NME7: variants seen among roughly 807,000 people sequenced by gnomAD.
NME7 encodes nucleoside diphosphate kinase 7.
In NME7, 41 loss-of-function variants were observed where a neutral mutation model predicts 49.1. The observed-to-expected ratio is 0.83, with a 90% CI of 0.65 to 1.08. The LOEUF (loss-of-function observed/expected upper bound fraction) is 1.08. NME7 is among the 50% of genes least tolerant of loss of function. The pLI, the probability that NME7 is intolerant of heterozygous loss-of-function variation, is 0.00. For missense variants in NME7, 423 were observed against 463.4 expected (o/e 0.91, Z 0.80); for synonymous variants, 139 against 150.6 (o/e 0.92, Z 0.56).
intron 7 of NME7, among the ~76,000 whole-genome samples, chr1:169,283,183 C>T (rs1231403903): frequency 6.6e-6 from 1 of 152,068 alleles, no homozygotes; most frequent in Non-Finnish European, 1.5e-5. Context: ...TGCATTGTTC[C>T]CTTTACCATT....
intron 7 of NME7, among the ~76,000 whole-genome samples, chr1:169,247,828 T>C (rs1171583184): frequency 1.3e-5 from 2 of 152,186 alleles, no homozygotes; most frequent in Non-Finnish European, 2.9e-5. Flanking sequence ...ATTATTTTTA[T>C]GGCTGAGTAG....
At chr1:169,314,312 C>A (rs1187061321) in intron 3 of NME7, among the ~76,000 whole-genome samples, 1 of 150,696 alleles carries the variant, frequency 6.6e-6, no homozygotes, top group Non-Finnish European at 1.5e-5. Flanking sequence ...GCAAAAATCC[C>A]AACAAAAATT....
At chr1:169,355,861 G>A (rs1478065403) in intron 1 of NME7, among the ~76,000 whole-genome samples, 1 of 152,048 alleles carries the variant, frequency 6.6e-6, no homozygotes, top group Admixed American at 6.6e-5. Context: ...CCATAAGGGT[G>A]GGACTTTGTC....
Position 169,325,604 on chromosome 1 carries a change from G to A in NME7, c.4-1104C>T, listed in dbSNP as rs922880928. ...TATAATAAGCAAATAAAAGCATAGG[G>A]AAGAAGGGAATCTAGGAGTTTTATT... On this transcript the variant is annotated intron_variant, in intron 1 of 11. Coordinates refer to ENST00000367811, the MANE Select transcript of NME7 (RefSeq NM_013330.5). Among the ~76,000 whole-genome samples the A allele has an allele frequency of 2.0e-5, 3 of 152,136 alleles. No homozygotes were observed. In the South Asian group the frequency reaches 6.2e-4, roughly 32 times the overall value.
At chr1:169,363,772 G>T (rs921052210) in intron 1 of NME7, among the ~76,000 whole-genome samples, 1 of 152,116 alleles carries the variant, frequency 6.6e-6, no homozygotes, top group African/African-American at 2.4e-5. Context: ...ATTATATTAT[G>T]CAGGTCTCAA....
chr1:169,298,495 C>G, intron 6 of NME7, 61 bp downstream of exon 6: 1 of 1,517,266 alleles, frequency 6.6e-7, no homozygotes, highest in East Asian at 2.3e-5. Flanking sequence ...AAATGCTTTC[C>G]TTTGATATAA....
intron 7 of NME7, among the ~76,000 whole-genome samples, chr1:169,258,439 TATC>T (rs1313357383): frequency 0.015 from 1,826 of 119,904 alleles, 135 homozygotes; most frequent in African/African-American, 0.05. Flanking sequence ...CACACACATA[TATC>T]TTCTCATTCT....
chr1:169,331,504 AT>A (rs1036565352), intron 1 of NME7, among the ~76,000 whole-genome samples: 2 of 152,186 alleles, frequency 1.3e-5, no homozygotes, highest in African/African-American at 2.4e-5. Context: ...TATAAAGGGC[AT>A]CCAAATTGAA....
intron 9 of NME7, among the ~76,000 whole-genome samples, chr1:169,232,705 C>CA (rs1647368195): frequency 1.3e-5 from 2 of 150,966 alleles, no homozygotes; most frequent in South Asian, 4.2e-4. Flanking sequence ...CGTTTTAAGA[C>CA]AAAAAAGACC....
intron 10 of NME7, among the ~76,000 whole-genome samples, chr1:169,204,732 ACTTAT>A (rs1467318840): frequency 6.6e-6 from 1 of 152,036 alleles, no homozygotes; most frequent in African/African-American, 2.4e-5. Flanking sequence ...TTGTCTGTAA[ACTTAT>A]CTTTTCTTAC....
rs954855523 is a variant in NME7, at chr1:169,261,798, T to C, written c.755-24111A>G. Among the ~76,000 whole-genome samples the C allele has an allele frequency of 3.0e-5, 4 of 133,546 alleles. 1 individual carries two copies. Among genetic ancestry groups the C allele is most frequent in the Non-Finnish European group, 5.3e-5 (3 of 56,828 alleles). 87.6% of individuals were successfully genotyped at this position (133,546 alleles called of 152,430 possible). ...GCATATTCTTGGGCTCTACTCCAGATATACTGAAAAAAGATTCTAAAATTA... is the reference window on the plus strand; with the variant it reads ...GCATATTCTTGGGCTCTACTCCAGACATACTGAAAAAAGATTCTAAAATTA... On this transcript the variant is annotated intron_variant, in intron 7 of 11. Coordinates refer to ENST00000367811, the MANE Select transcript of NME7 (RefSeq NM_013330.5).
chr1:169,211,602 A>C (rs1660821503), intron 10 of NME7, among the ~76,000 whole-genome samples: 1 of 152,168 alleles, frequency 6.6e-6, no homozygotes, highest in Admixed American at 6.5e-5. Flanking sequence ...TGCCCTGGTA[A>C]TATTGTGATA....
intron 11 of NME7, among the ~76,000 whole-genome samples, chr1:169,141,679 T>C (rs897015496): frequency 1.3e-5 from 2 of 152,176 alleles, no homozygotes; most frequent in African/African-American, 4.8e-5. Context: ...CATACACATT[T>C]CAGTTAGAAA....
At chr1:169,224,104 A>G (rs1026584053) in intron 10 of NME7, among the ~76,000 whole-genome samples, 2 of 152,174 alleles carry the variant, frequency 1.3e-5, no homozygotes, top group African/African-American at 4.8e-5. Context: ...ACAGGCTTCA[A>G]TATCCTGACC....
At chr1:169,290,604 G>A (rs533956216) in intron 6 of NME7, among the ~76,000 whole-genome samples, 49 of 152,210 alleles carry the variant, frequency 3.2e-4, no homozygotes, top group African/African-American at 1.2e-3. Context: ...ATAGGCATAG[G>A]CAAAGACTTC....
At chr1:169,221,026 ACT>A (rs1661127658) in intron 10 of NME7, among the ~76,000 whole-genome samples, 1 of 151,936 alleles carries the variant, frequency 6.6e-6, no homozygotes, top group South Asian at 2.1e-4. Context: ...AGTAGAGAGA[ACT>A]CTGTTTTATT....
chr1:169,230,627 T>C (rs1243298043), intron 10 of NME7, 91 bp downstream of exon 10: 1 of 590,768 alleles, frequency 1.7e-6, no homozygotes, highest in Non-Finnish European at 2.8e-6. Flanking sequence ...TTTTACATTA[T>C]TTACTTAAAG....
At chr1:169,329,396 G>GAA (rs34676722) in intron 1 of NME7, among the ~76,000 whole-genome samples, 9 of 98,230 alleles carry the variant, frequency 9.2e-5, no homozygotes, top group East Asian at 3.0e-4. Context: ...TGTGTTTCCT[G>GAA]AAAAAAAAAA....
intron 10 of NME7, among the ~76,000 whole-genome samples, chr1:169,178,979 C>T (rs1302856888): frequency 6.6e-6 from 1 of 152,042 alleles, no homozygotes; most frequent in African/African-American, 2.4e-5. Context: ...TGCCACCACA[C>T]CCGGCTAATT....
Sources: allele counts gnomAD v4.1 joint callset (sites outside exome capture counted in the v4.1 genomes callset), GRCh38; gene constraint gnomAD v4.1.1; transcripts MANE v1.5; gene names NCBI Gene and HGNC (gene_info 2026-07-23, HGNC 2026-07-21).